Variants in PER3 observed in about 807,000 individuals in gnomAD.
The protein encoded by PER3 is period circadian regulator 3, also known as period circadian protein homolog 3.
In PER3, 107 loss-of-function variants were observed where a neutral mutation model predicts 127.2. That is an observed-to-expected ratio of 0.84 (90% CI 0.72 to 0.99). The LOEUF is 0.99. PER3 is among the 50% of genes least tolerant of loss of function. PER3 has a pLI of 0.00. For synonymous variants in PER3, 618 were observed against 585.8 expected (o/e 1.05, Z -0.79); for missense variants, 1,560 against 1,525.8 (o/e 1.02, Z -0.37).
At chr1:7,812,624 CAAAAAAAAA>C (rs35962033) in intron 13 of PER3, among the ~76,000 whole-genome samples, 1,058 of 85,440 alleles carry the variant, frequency 0.012, 19 homozygotes, top group African/African-American at 0.05. Context: ...GACTCCGTCT[CAAAAAAAAA>C]AAAAAAAAAA....
intron 13 of PER3, among the ~76,000 whole-genome samples, chr1:7,814,931 G>A (rs933339850): frequency 6.6e-6 from 1 of 152,126 alleles, no homozygotes; most frequent in Non-Finnish European, 1.5e-5. Context: ...TATTTTTTAA[G>A]TATAAATAAT....
rs536062740 is a variant in PER3 at position 7,801,429 on chromosome 1, A to C, written c.872+238A>C. Among the ~76,000 whole-genome samples, 15 of 152,356 alleles carry C rather than the reference A, an allele frequency of 9.8e-5. 1 individual carries two copies. The East Asian group carries it at 1.9e-3, about 20-fold the overall frequency. On this transcript the variant is annotated intron_variant, in intron 8 of 21. Coordinates refer to ENST00000377532, the MANE Select transcript of PER3 (RefSeq NM_001377275.1). ...TAAACAGTATGCTTTAGGTAGGCCA[A>C]GAATTATTTCATTTTACAGAGAAGA...
At chr1:7,812,647 A>C (rs1259053692) in intron 13 of PER3, among the ~76,000 whole-genome samples, 1 of 151,178 alleles carries the variant, frequency 6.6e-6, no homozygotes, top group East Asian at 1.9e-4. Context: ...AAAAAAAAAA[A>C]AATTGAAGCT....
intron 7 of PER3, 94 bp downstream of exon 7, chr1:7,798,767 T>G: frequency 6.8e-5 from 65 of 962,184 alleles, no homozygotes; most frequent in Non-Finnish European, 6.1e-5. Flanking sequence ...AAAAGAGCTC[T>G]TGGGTCTCCA....
chr1:7,804,072 G>A, intron 10 of PER3: 1 of 383,860 alleles, frequency 2.6e-6, no homozygotes, highest in Non-Finnish European at 4.6e-6. Context: ...AGTAAACTCT[G>A]GAATATTTGC....
Position 7,827,286 on chromosome 1 carries a change from C to G in PER3, c.2357C>G (p.Pro786Arg), listed in dbSNP as rs1005609537. Residue 786 changes from proline to arginine, a missense_variant, in exon 18 of 22, where the codon CCG (proline) becomes CGG (arginine). Pro to Arg is a moderately radical substitution (Grantham distance 103). Around this residue, in one of 3 missense-constraint regions of PER3, gnomAD observed 1,332 missense variants for 1,223.6 expected, o/e 1.09. Coordinates refer to ENST00000377532, the MANE Select transcript of PER3 (RefSeq NM_001377275.1). ...QPCCPSAASS[P>R]HTSSPTFPPA... ...TGCTGCCCCTCCGCGGCCTCCTCTC[C>G]GCACACCTCGAGCCCGACCTTCCCA... The G allele has an allele frequency of 6.2e-7, 1 of 1,613,734 alleles. No homozygotes were observed. Among genetic ancestry groups the G allele is most frequent in the Non-Finnish European group, 8.5e-7 (1 of 1,179,906 alleles).
chr1:7,827,613 T>G lies in PER3; in HGVS notation c.2684T>G (p.Met895Arg). The G allele has an allele frequency of 6.2e-7, 1 of 1,614,156 alleles. No individual in the cohort carries two copies. The highest frequency in any genetic ancestry group is 8.5e-7 in the Non-Finnish European group (1 of 1,180,026). ...SAISPSMSSA[M>R]SPTLDPPPSV... Reference sequence around the variant, plus strand: ...ATATCACCCTCAATGTCGTCAGCAATGAGTCCAACTCTGGACCCACCCCCT... The same window carrying G: ...ATATCACCCTCAATGTCGTCAGCAAGGAGTCCAACTCTGGACCCACCCCCT... The change falls in exon 18 of 22, where the codon ATG becomes AGG. Residue 895 changes from methionine to arginine, a missense_variant. Met to Arg is a moderately conservative substitution (Grantham distance 91). Around this residue, in one of 3 missense-constraint regions of PER3, gnomAD observed 1,332 missense variants for 1,223.6 expected, o/e 1.09. Transcript: ENST00000377532.
chr1:7,791,183 A>G (rs750046238), intron 5 of PER3, among the ~76,000 whole-genome samples: 2 of 149,834 alleles, frequency 1.3e-5, no homozygotes, highest in Non-Finnish European at 3.0e-5. Context: ...GAGGTTCTCT[A>G]TGAGGGCTCC....
chr1:7,785,436 T>C lies in PER3; in HGVS notation c.129-5T>C. The C allele has an allele frequency of 6.2e-7, 1 of 1,609,796 alleles. No individual in the cohort carries two copies. The highest frequency in any genetic ancestry group is 2.2e-5 in the East Asian group (1 of 44,864). Reference sequence around the variant, plus strand: ...ATGAAGTTGTAATTTTTTTTTATCTTCCAGTGAACAGCAAGATCGAAACAG... The same window carrying C: ...ATGAAGTTGTAATTTTTTTTTATCTCCCAGTGAACAGCAAGATCGAAACAG... On this transcript the variant is annotated splice_polypyrimidine_tract_variant and splice_region_variant and intron_variant, in intron 2 of 21. Coordinates refer to ENST00000377532, the MANE Select transcript of PER3 (RefSeq NM_001377275.1).
rs1290927169 is a variant in PER3, at chr1:7,803,830, G to A, written c.1118G>A (p.Gly373Asp). 1 of 1,613,490 alleles carries A rather than the reference G, an allele frequency of 6.2e-7. No homozygotes were observed. The highest frequency in any genetic ancestry group is 8.5e-7 in the Non-Finnish European group (1 of 1,179,694). ...AGCCGGAAGATTTCTTTCATCATTG[G>A]TCGGCATAAAGTTCGAACGTAAGCC... ...PWSRKISFII[G>D]RHKVRTSPLN... is the part of the protein sequence containing the mutation. Residue 373 changes from glycine (G) to aspartate (D), a missense_variant, in exon 10 of 22, where the codon GGT (glycine) becomes GAT (aspartate). Physicochemically the swap from Gly to Asp is moderately conservative, Grantham distance 94. Coordinates refer to ENST00000377532, the MANE Select transcript of PER3 (RefSeq NM_001377275.1).
At chr1:7,816,680 T>G (rs752077675) in intron 13 of PER3, among the ~76,000 whole-genome samples, 1 of 152,220 alleles carries the variant, frequency 6.6e-6, no homozygotes, top group Non-Finnish European at 1.5e-5. Flanking sequence ...TGACAAGTGT[T>G]GACAAGGACA....
intron 21 of PER3, among the ~76,000 whole-genome samples, chr1:7,839,461 G>A (rs955434399): frequency 5.9e-5 from 9 of 152,164 alleles, no homozygotes; most frequent in Non-Finnish European, 1.0e-4. Flanking sequence ...GCACATTGTC[G>A]TTGCAATCAT....
intron 4 of PER3, chr1:7,787,720 G>T: frequency 2.7e-6 from 1 of 367,346 alleles, no homozygotes; most frequent in South Asian, 2.4e-5. Context: ...TAGAATCTGC[G>T]TTGATGACGA....
Position 7,830,161 on chromosome 1 carries a change from G to A in PER3, c.3214G>A (p.Gly1072Arg). 2 of 1,612,828 alleles carry A rather than the reference G, an allele frequency of 1.2e-6. No individual in the cohort carries two copies. Among genetic ancestry groups the A allele is most frequent in the Non-Finnish European group, 1.7e-6 (2 of 1,178,912 alleles). ...ATCCAGAACTGGTTCAGCAGCATCA[G>A]GTAGTGGATCAGGACAACTAATGTT... The part of the protein sequence containing the change: ...SPSRTGSAAS[G>R]SSDSSIYLTS... The change falls in exon 19 of 22, where the codon GGA becomes AGA. Residue 1072 changes from glycine to arginine, a missense_variant and splice_region_variant. Around this residue, in one of 3 missense-constraint regions of PER3, gnomAD observed 199 missense variants for 198.6 expected, o/e 1.00. Transcript: ENST00000377532.
intron 16 of PER3, among the ~76,000 whole-genome samples, chr1:7,824,094 T>C (rs2097290464): frequency 6.6e-6 from 1 of 152,194 alleles, no homozygotes; most frequent in African/African-American, 2.4e-5. Context: ...ACTGAAAGTA[T>C]AGCATACTAA....
rs143936373 is a variant in PER3 at position 7,788,195 on chromosome 1, G to A, written c.541G>A (p.Ala181Thr). 6.8e-5 allele frequency: 109 copies of A among 1,613,974 alleles called. 1 individual carries two copies. The African/African-American group carries it at 1.1e-3, about 16-fold the overall frequency. Residue 181 changes from alanine (A) to threonine (T), a missense_variant, in exon 5 of 22, where the codon GCG becomes ACG. Physicochemically the swap from Ala to Thr is moderately conservative, Grantham distance 58. Coordinates refer to ENST00000377532, the MANE Select transcript of PER3 (RefSeq NM_001377275.1). ...ACCTCAAGACATGAGGGTATTCTACGCGCACACTGCCAGAGCTCAGCTTCC... is the reference window on the plus strand; with the variant it reads ...ACCTCAAGACATGAGGGTATTCTACACGCACACTGCCAGAGCTCAGCTTCC... The part of the protein sequence containing the change: ...LAPQDMRVFY[A>T]HTARAQLPFW...
intron 5 of PER3, among the ~76,000 whole-genome samples, chr1:7,789,141 A>ATG (rs1491436868): frequency 1.3e-4 from 5 of 39,226 alleles, no homozygotes; most frequent in African/African-American, 1.1e-3. Flanking sequence ...GAGCTTTAAA[A>ATG]TATATATATA....
intron 16 of PER3, among the ~76,000 whole-genome samples, chr1:7,822,258 ATTT>A (rs35229328): frequency 6.9e-6 from 1 of 144,758 alleles, no homozygotes; most frequent in Non-Finnish European, 1.5e-5. Flanking sequence ...TTAAAAAAAA[ATTT>A]TTTTTTTTTT....
At chr1:7,832,366 CTTTTTT>C (rs33933452) in intron 19 of PER3, among the ~76,000 whole-genome samples, 1 of 85,850 alleles carries the variant, frequency 1.2e-5, no homozygotes. Flanking sequence ...GATTTATGCT[CTTTTTT>C]TTTTTTTTTT....
Sources: allele counts gnomAD v4.1 joint callset (sites outside exome capture counted in the v4.1 genomes callset), GRCh38; gene constraint gnomAD v4.1.1; regional missense constraint gnomAD v4.1.1; transcripts MANE v1.5; gene names NCBI Gene and HGNC (gene_info 2026-07-23, HGNC 2026-07-21).